The following CDH8 variants were observed in gnomAD, a reference collection of about 807,000 sequenced individuals.
CDH8 encodes cadherin 8, also known as cadherin-8.
CDH8 carries 17 observed loss-of-function variants against 68.1 expected under a neutral mutation model. That is an observed-to-expected ratio of 0.25 (90% CI 0.17 to 0.37). The LOEUF is 0.37. Ranked by LOEUF, CDH8 falls within the 10% of genes least tolerant of loss-of-function variation. CDH8 has a pLI of 1.00. For missense variants in CDH8, 763 were observed against 999.3 expected (o/e 0.76, Z 3.19); for synonymous variants, 372 against 365.1 (o/e 1.02, Z -0.21).
At chr16:61,842,239 C>T (rs1056356379) in intron 4 of CDH8, among the ~76,000 whole-genome samples, 3 of 152,014 alleles carry the variant, frequency 2.0e-5, no homozygotes, top group Admixed American at 6.6e-5. Context: ...TTTGCTCCCT[C>T]TTCAACTCAT....
intron 4 of CDH8, among the ~76,000 whole-genome samples, chr16:61,850,729 A>G (rs976517572): frequency 2.6e-5 from 4 of 151,728 alleles, no homozygotes; most frequent in African/African-American, 9.7e-5. Context: ...CTTACCCCAC[A>G]TTTTCATTTC....
intron 2 of CDH8, among the ~76,000 whole-genome samples, chr16:61,981,573 C>T (rs1004917465): frequency 1.3e-5 from 2 of 152,096 alleles, no homozygotes; most frequent in Non-Finnish European, 2.9e-5. Context: ...AATCCCTTCA[C>T]TTTTTGTAGA....
chr16:61,717,061 T>A (rs1333605601), intron 9 of CDH8, among the ~76,000 whole-genome samples: 1 of 151,622 alleles, frequency 6.6e-6, no homozygotes, highest in Non-Finnish European at 1.5e-5. Context: ...CAGCTGGTTT[T>A]TTCAAGTAAT....
chr16:61,767,690 G>C (rs1008984110), intron 8 of CDH8, among the ~76,000 whole-genome samples: 2 of 151,852 alleles, frequency 1.3e-5, no homozygotes, highest in African/African-American at 2.4e-5. Flanking sequence ...CAATTTGGTA[G>C]GAACAGAAAT....
intron 2 of CDH8, among the ~76,000 whole-genome samples, chr16:61,912,046 T>C (rs1032828670): frequency 6.6e-6 from 1 of 151,952 alleles, no homozygotes; most frequent in Non-Finnish European, 1.5e-5. Flanking sequence ...CATACAGTAA[T>C]CACAATCACT....
At chr16:61,962,816 A>C (rs549983363) in intron 2 of CDH8, among the ~76,000 whole-genome samples, 1 of 152,338 alleles carries the variant, frequency 6.6e-6, no homozygotes, top group Non-Finnish European at 1.5e-5. Context: ...GTTTTTAGAC[A>C]TTCAGTGTAC....
At chr16:61,851,980 G>C (rs901764886) in intron 4 of CDH8, among the ~76,000 whole-genome samples, 2 of 151,896 alleles carry the variant, frequency 1.3e-5, no homozygotes, top group African/African-American at 4.8e-5. Context: ...CAAACACCTT[G>C]GGCAAGAAAC....
chr16:61,813,798 C>CAT (rs1423897235), intron 7 of CDH8, among the ~76,000 whole-genome samples: 4 of 152,094 alleles, frequency 2.6e-5, no homozygotes, highest in African/African-American at 9.7e-5. Context: ...AATGACTCCA[C>CAT]ATATATATAC....
rs545670875 is a variant in CDH8 at position 61,820,314 on chromosome 16, GTTTTTTTTTTTT to G, written c.1023+600_1023+611del. The stretch of plus-strand genomic sequence containing the variant: ...TGAACCTGAATGTTCTGCCTGTTTG[GTTTTTTTTTTTT>G]TTTTTTTTTTTTTTAGTTTCCATGA... On this transcript the variant is annotated intron_variant, in intron 6 of 11. Coordinates refer to ENST00000577390, the MANE Select transcript of CDH8 (RefSeq NM_001796.5). 9.9e-5 allele frequency among the ~76,000 whole-genome samples: 9 copies of G among 90,762 alleles called. No homozygotes were observed. The Admixed American group carries it at 1.1e-3, about 12-fold the overall frequency. 59.5% of individuals were successfully genotyped at this position (90,762 alleles called of 152,430 possible). A position where few individuals can be genotyped will look rare whatever the true frequency, so the allele number is the denominator to read the frequency against.
intron 8 of CDH8, among the ~76,000 whole-genome samples, chr16:61,736,978 C>T (rs771039271): frequency 1.6e-4 from 24 of 152,072 alleles, no homozygotes; most frequent in South Asian, 4.1e-4. Flanking sequence ...AAAAGTCAGG[C>T]GGTTTTCACA....
intron 8 of CDH8, among the ~76,000 whole-genome samples, chr16:61,735,461 T>A (rs1475775857): frequency 6.6e-6 from 1 of 152,130 alleles, no homozygotes; most frequent in Non-Finnish European, 1.5e-5. Flanking sequence ...CCCATAACTC[T>A]CTCCTGAGAA....
chr16:61,726,795 T>C (rs1156830021), intron 9 of CDH8: 5 of 393,960 alleles, frequency 1.3e-5, no homozygotes, highest in Non-Finnish European at 1.8e-5. Flanking sequence ...TCAGCCCCCG[T>C]CACTCTAAGA....
chr16:61,915,231 C>T (rs1401908731), intron 2 of CDH8, among the ~76,000 whole-genome samples: 2 of 152,110 alleles, frequency 1.3e-5, no homozygotes, highest in African/African-American at 4.8e-5. Flanking sequence ...ATACTGCTAC[C>T]ACAGCTACCC....
At chr16:61,875,344 A>G (rs1007655436) in intron 3 of CDH8, among the ~76,000 whole-genome samples, 1 of 152,126 alleles carries the variant, frequency 6.6e-6, no homozygotes, top group Non-Finnish European at 1.5e-5. Context: ...TGGTTTTCCA[A>G]GTATGGTCTC....
chr16:61,668,509 C>T (rs1435435410), intron 10 of CDH8, among the ~76,000 whole-genome samples: 1 of 152,010 alleles, frequency 6.6e-6, no homozygotes, highest in East Asian at 1.9e-4. Context: ...TTAACTAACC[C>T]ACTAAAGTGA....
chr16:61,755,470 T>C (rs1960287436), intron 8 of CDH8, among the ~76,000 whole-genome samples: 1 of 152,116 alleles, frequency 6.6e-6, no homozygotes, highest in Admixed American at 6.5e-5. Flanking sequence ...AGAGAAATAA[T>C]TTTATACTGT....
At chr16:61,975,884 T>C (rs911106842) in intron 2 of CDH8, among the ~76,000 whole-genome samples, 3 of 152,194 alleles carry the variant, frequency 2.0e-5, no homozygotes, top group African/African-American at 7.2e-5. Flanking sequence ...ATAAGGTTTA[T>C]GTGCCTACCC....
chr16:61,903,321 G>A (rs1435023599), intron 2 of CDH8, among the ~76,000 whole-genome samples: 1 of 152,106 alleles, frequency 6.6e-6, no homozygotes, highest in African/African-American at 2.4e-5. Context: ...GTTTTTGTTT[G>A]TTTGTTTTGT....
intron 5 of CDH8, among the ~76,000 whole-genome samples, chr16:61,822,205 C>CCTTTTTTTT (rs1962230457): frequency 4.4e-5 from 2 of 45,630 alleles, no homozygotes; most frequent in African/African-American, 2.2e-4. Context: ...AAAAACGCAC[C>CCTTTTTTTT]TTTTTTTTTT....
Sources: gnomAD v4.1 joint callset for allele counts (sites outside exome capture counted in the v4.1 genomes callset) on GRCh38, gnomAD v4.1.1 for gene constraint, MANE v1.5 for transcripts, NCBI Gene and HGNC (gene_info 2026-07-23, HGNC 2026-07-21) for gene names.